Variants in CRPPA observed in about 807,000 individuals in gnomAD.
CRPPA encodes CDP-L-ribitol pyrophosphorylase A.
In CRPPA, 43 loss-of-function variants were observed where a neutral mutation model predicts 52.0. The ratio of observed to expected loss-of-function variants is 0.83; its 90% CI spans 0.65 to 1.07. The LOEUF (loss-of-function observed/expected upper bound fraction) is 1.07. CRPPA is among the 50% of genes least tolerant of loss of function. The pLI is 0.00. For missense variants in CRPPA, 629 were observed against 551.7 expected (o/e 1.14, Z -1.40); for synonymous variants, 250 against 203.5 (o/e 1.23, Z -1.94).
At chr7:16,357,727 G>C (rs2178598) in intron 3 of CRPPA, among the ~76,000 whole-genome samples, 1 of 151,936 alleles carries the variant, frequency 6.6e-6, no homozygotes, top group Non-Finnish European at 1.5e-5. Context: ...TTTCATATAA[G>C]GTGTTAACTA....
intron 9 of CRPPA, among the ~76,000 whole-genome samples, chr7:16,114,942 T>C (rs959082943): frequency 6.6e-6 from 1 of 152,114 alleles, no homozygotes; most frequent in Non-Finnish European, 1.5e-5. Context: ...CCTCAGTTAA[T>C]GACTCCCCTG....
At chr7:16,136,822 C>G (rs919163112) in intron 9 of CRPPA, among the ~76,000 whole-genome samples, 13 of 152,178 alleles carry the variant, frequency 8.5e-5, no homozygotes, top group Non-Finnish European at 1.9e-4. Context: ...ACATAGATCT[C>G]TTAAAAATGA....
intron 6 of CRPPA, chr7:16,269,857 G>A (rs575477371): frequency 2.6e-5 from 4 of 152,124 alleles, no homozygotes; most frequent in African/African-American, 9.6e-5. Flanking sequence ...GATAACATAA[G>A]CACAAAATGA....
At chr7:16,419,047 G>A (rs960862732) in intron 1 of CRPPA, among the ~76,000 whole-genome samples, 2 of 152,158 alleles carry the variant, frequency 1.3e-5, no homozygotes, top group African/African-American at 4.8e-5. Flanking sequence ...AATGTTCATG[G>A]CACTGGAATA....
At chr7:16,193,746 C>A (rs1781665426) in intron 9 of CRPPA, among the ~76,000 whole-genome samples, 1 of 152,024 alleles carries the variant, frequency 6.6e-6, no homozygotes, top group South Asian at 2.1e-4. Context: ...CTTTACAAAT[C>A]AAAGAGACAG....
intron 5 of CRPPA, among the ~76,000 whole-genome samples, chr7:16,297,551 A>T (rs12155021): frequency 0.1 from 15,217 of 152,218 alleles, 908 homozygotes; most frequent in East Asian, 0.25. Context: ...GCAACATAAA[A>T]ATTAGACATT....
At chr7:16,413,401 C>A (rs1196349804) in intron 1 of CRPPA, among the ~76,000 whole-genome samples, 1 of 152,208 alleles carries the variant, frequency 6.6e-6, no homozygotes, top group Non-Finnish European at 1.5e-5. Context: ...ATGACTCAGA[C>A]TTGACCCTTT....
intron 8 of CRPPA, among the ~76,000 whole-genome samples, chr7:16,250,042 C>G (rs1433999519): frequency 6.6e-6 from 1 of 152,086 alleles, no homozygotes; most frequent in African/African-American, 2.4e-5. Context: ...TATAAAAGAC[C>G]TGGTACAGCT....
chr7:16,318,205 T>A (rs1373016392), intron 3 of CRPPA, among the ~76,000 whole-genome samples: 1 of 152,174 alleles, frequency 6.6e-6, no homozygotes, highest in East Asian at 1.9e-4. Flanking sequence ...AAGGAGACTA[T>A]GGTTAATGGC....
chr7:16,209,756 A>G (rs775022149), intron 9 of CRPPA, among the ~76,000 whole-genome samples: 3 of 152,238 alleles, frequency 2.0e-5, no homozygotes, highest in Non-Finnish European at 4.4e-5. Context: ...ACACGCTACT[A>G]AACAAAATAT....
intron 3 of CRPPA, among the ~76,000 whole-genome samples, chr7:16,335,589 A>T (rs1459112160): frequency 6.6e-6 from 1 of 152,250 alleles, no homozygotes; most frequent in Non-Finnish European, 1.5e-5. Context: ...GAGCAAAACA[A>T]TAACAACAAA....
chr7:16,405,063 T>A (rs952017952), intron 2 of CRPPA, among the ~76,000 whole-genome samples: 1 of 152,070 alleles, frequency 6.6e-6, no homozygotes, highest in Non-Finnish European at 1.5e-5. Flanking sequence ...ACATGGGTTA[T>A]TGAAGTTATA....
intron 9 of CRPPA, among the ~76,000 whole-genome samples, chr7:16,118,435 A>G (rs1782421015): frequency 6.6e-6 from 1 of 152,186 alleles, no homozygotes; most frequent in Admixed American, 6.5e-5. Context: ...GCCAGAAAAC[A>G]TGCATCCAAG....
At chr7:16,363,719 C>T (rs933684362) in intron 3 of CRPPA, among the ~76,000 whole-genome samples, 1 of 152,066 alleles carries the variant, frequency 6.6e-6, no homozygotes, top group African/African-American at 2.4e-5. Flanking sequence ...CAACATGATA[C>T]TGGAGGTCCT....
chr7:16,245,789 C>T (rs979289760), intron 8 of CRPPA, among the ~76,000 whole-genome samples: 2 of 152,144 alleles, frequency 1.3e-5, no homozygotes, highest in Non-Finnish European at 2.9e-5. Context: ...ATATAAAAGT[C>T]ATATTTACAT....
chr7:16,282,610 G>A (rs894092682), intron 5 of CRPPA, among the ~76,000 whole-genome samples: 1 of 152,014 alleles, frequency 6.6e-6, no homozygotes, highest in Non-Finnish European at 1.5e-5. Flanking sequence ...TTTTAAGTTT[G>A]AAAGTTATTA....
intron 9 of CRPPA, among the ~76,000 whole-genome samples, chr7:16,113,469 C>T (rs1237283545): frequency 2.0e-5 from 3 of 151,806 alleles, no homozygotes; most frequent in Non-Finnish European, 4.4e-5. Flanking sequence ...GGAAACCTAA[C>T]GAATTTCAAG....
chr7:16,347,621 TCTA>T (rs1786047940), intron 3 of CRPPA, among the ~76,000 whole-genome samples: 1 of 152,084 alleles, frequency 6.6e-6, no homozygotes, highest in South Asian at 2.1e-4. Flanking sequence ...TGAATAGACA[TCTA>T]CTCACAGATG....
chr7:16,227,456 T>C (rs576406237), intron 8 of CRPPA, among the ~76,000 whole-genome samples: 72 of 152,064 alleles, frequency 4.7e-4, no homozygotes, highest in African/African-American at 1.5e-3. Flanking sequence ...TATCTCATTG[T>C]GGTTGTGATT....
Sources: allele counts gnomAD v4.1 joint callset (sites outside exome capture counted in the v4.1 genomes callset), GRCh38; gene constraint gnomAD v4.1.1; transcripts MANE v1.5; gene names NCBI Gene and HGNC (gene_info 2026-07-23, HGNC 2026-07-21).